DACH2: variants seen among roughly 807,000 people sequenced by gnomAD.
DACH2 encodes dachshund homolog 2.
Under a neutral mutation model 35.8 loss-of-function variants are expected in DACH2, and 17 were observed. The ratio of observed to expected loss-of-function variants is 0.48; its 90% CI spans 0.33 to 0.71. DACH2 has a LOEUF of 0.71. Ranked by LOEUF, DACH2 falls within the 30% of genes least tolerant of loss-of-function variation. DACH2 has a pLI of 0.02. For missense variants in DACH2, 469 were observed against 472.7 expected, an observed-to-expected ratio of 0.99 and a Z score of 0.07; for synonymous variants, 195 against 177.3, an observed-to-expected ratio of 1.10 and a Z score of -0.79.
chrX:86,386,812 A>T (rs1456897390), intron 2 of DACH2, among the ~76,000 whole-genome samples: 1 of 110,833 alleles, frequency 9.0e-6, no homozygotes, highest in African/African-American at 3.3e-5. Context: ...TGGAGTCAGA[A>T]ACCATTTCTT....
rs749397166 is a variant in DACH2, at chrX:86,256,961, C to A, written c.488+107853C>A. Reference sequence around the variant, plus strand: ...ATATTCACATAATCCAAAGGTATTGCATTACCTTTCTTCATTTCCTCTATG... The same window carrying A: ...ATATTCACATAATCCAAAGGTATTGAATTACCTTTCTTCATTTCCTCTATG... On this transcript the variant is annotated intron_variant, in intron 1 of 11. Transcript: ENST00000373125. Among the ~76,000 whole-genome samples, 53 of 111,804 alleles carry A rather than the reference C, an allele frequency of 4.7e-4. 1 individual carries two copies. Among genetic ancestry groups the A allele is most frequent in the African/African-American group, 1.6e-3 (49 of 30,819 alleles).
intron 4 of DACH2, among the ~76,000 whole-genome samples, chrX:86,693,544 A>G (rs1287191462): frequency 8.9e-6 from 1 of 112,214 alleles, no homozygotes; most frequent in Non-Finnish European, 1.9e-5. Flanking sequence ...ATGAGCGGAC[A>G]GGAAGCTTAA....
chrX:86,517,518 G>A (rs1400163735), intron 3 of DACH2, among the ~76,000 whole-genome samples: 2 of 107,094 alleles, frequency 1.9e-5, no homozygotes, highest in Admixed American at 1.0e-4. Flanking sequence ...CTGGGCTCAC[G>A]CCATTCTCCT....
chrX:86,595,742 A>G (rs2039703618), intron 3 of DACH2, among the ~76,000 whole-genome samples: 1 of 108,476 alleles, frequency 9.2e-6, no homozygotes, highest in African/African-American at 3.3e-5. Context: ...AGTTATATAT[A>G]TAGTTTTACA....
intron 4 of DACH2, among the ~76,000 whole-genome samples, chrX:86,657,297 C>G (rs1192168683): frequency 1.8e-5 from 2 of 110,557 alleles, no homozygotes; most frequent in Non-Finnish European, 3.8e-5. Flanking sequence ...GTGATAGATA[C>G]CCCATTTACC....
chrX:86,285,483 AT>A (rs1234245417), intron 1 of DACH2, among the ~76,000 whole-genome samples: 1 of 111,772 alleles, frequency 8.9e-6, no homozygotes, highest in Non-Finnish European at 1.9e-5. Flanking sequence ...AGTTTCCAAA[AT>A]TCCTTTTGTT....
rs776567805 is a variant in DACH2, at chrX:86,226,049, A to G, written c.488+76941A>G. Among the ~76,000 whole-genome samples the G allele has an allele frequency of 7.8e-4, 87 of 111,601 alleles. No homozygotes were observed. In the Middle Eastern group the frequency reaches 0.023, roughly 30 times the overall value. On this transcript the variant is annotated intron_variant, in intron 1 of 11. Transcript: ENST00000373125. ...TTCTTACCCCTCTCTGAGAAACATC[A>G]TGTTAGAAGTGAAATAACTAATGTT...
intron 1 of DACH2, among the ~76,000 whole-genome samples, chrX:86,206,281 G>A (rs75025056): frequency 0.19 from 19,079 of 102,493 alleles, 4,266 homozygotes; most frequent in African/African-American, 0.62. Context: ...TCCAAAAGGG[G>A]AAAAAAAAAA....
intron 2 of DACH2, among the ~76,000 whole-genome samples, chrX:86,495,900 G>A (rs2038163176): frequency 9.1e-6 from 1 of 110,488 alleles, no homozygotes; most frequent in South Asian, 3.8e-4. Flanking sequence ...CTAAAAAATG[G>A]AACAATAGTA....
chrX:86,619,089 T>G (rs931277956), intron 3 of DACH2, among the ~76,000 whole-genome samples: 1 of 112,228 alleles, frequency 8.9e-6, no homozygotes, highest in Non-Finnish European at 1.9e-5. Context: ...TTGGAATTTT[T>G]TAACAATGTT....
At chrX:86,666,321 G>GAT (rs2040669293) in intron 4 of DACH2, among the ~76,000 whole-genome samples, 1 of 110,523 alleles carries the variant, frequency 9.0e-6, no homozygotes, top group African/African-American at 3.3e-5. Context: ...GTGAGAGAGA[G>GAT]AGAGAGAGAG....
intron 1 of DACH2, among the ~76,000 whole-genome samples, chrX:86,309,157 A>G (rs2034748557): frequency 8.9e-6 from 1 of 112,203 alleles, no homozygotes; most frequent in African/African-American, 3.2e-5. Context: ...TGAAAGACAC[A>G]GAGGTGGTGA....
chrX:86,199,146 C>A lies in DACH2; in HGVS notation c.488+50038C>A, dbSNP rs1423117190. On this transcript the variant is annotated intron_variant, in intron 1 of 11. Transcript: ENST00000373125. ...CAATAAATGTGATTCATCATATAAA[C>A]AGAAGTAAAGAAAAAAACCACATGA... is the stretch of plus-strand genomic sequence containing the variant. Among the ~76,000 whole-genome samples, 3 of 110,593 alleles carry A rather than the reference C, an allele frequency of 2.7e-5. No individual in the cohort carries two copies. The Admixed American group carries it at 2.9e-4, about 11-fold the overall frequency.
chrX:86,283,866 G>GTA (rs1265734739), intron 1 of DACH2, among the ~76,000 whole-genome samples: 3 of 68,674 alleles, frequency 4.4e-5, no homozygotes, highest in East Asian at 4.9e-4. Flanking sequence ...AGAACTTAAA[G>GTA]TATATACACA....
At chrX:86,263,044 A>G (rs1486766106) in intron 1 of DACH2, 1 of 724,691 alleles carries the variant, frequency 1.4e-6, no homozygotes, top group Non-Finnish European at 1.6e-6. Flanking sequence ...TGCTAGCAAA[A>G]CCGCTAAAGA....
intron 7 of DACH2, chrX:86,799,149 C>T (rs899957926): frequency 6.4e-6 from 2 of 311,486 alleles, no homozygotes; most frequent in African/African-American, 2.8e-5. Flanking sequence ...CTCCAAGACC[C>T]TGGAACTCTT....
Position 86,714,583 on chromosome X carries a change from C to T in DACH2, c.967C>T (p.Leu323=). 4.1e-6 allele frequency: 5 copies of T among 1,207,490 alleles called. No homozygotes were observed. The highest frequency in any genetic ancestry group is 5.6e-6 in the Non-Finnish European group (5 of 892,526). The change falls in exon 6 of 12, where the codon CTA becomes TTA. Residue 323 remains leucine, a synonymous_variant. Coordinates refer to ENST00000373125, the MANE Select transcript of DACH2 (RefSeq NM_053281.3). ...DLPFMMMPHP[L]LPVSLPPASV... ...GCCATTTATGATGATGCCTCATCCCCTACTTCCAGTCAGCTTACCTCCTGC... is the reference window on the plus strand; with the variant it reads ...GCCATTTATGATGATGCCTCATCCCTTACTTCCAGTCAGCTTACCTCCTGC...
intron 1 of DACH2, among the ~76,000 whole-genome samples, chrX:86,360,621 G>A (rs1017379538): frequency 9.0e-6 from 1 of 110,842 alleles, no homozygotes; most frequent in Admixed American, 9.7e-5. Context: ...TTCTTCCAAA[G>A]TCCTGCAGCT....
intron 2 of DACH2, among the ~76,000 whole-genome samples, chrX:86,404,224 A>G (rs745554824): frequency 1.8e-5 from 2 of 111,169 alleles, no homozygotes; most frequent in South Asian, 7.6e-4. Context: ...ATGCCCTTCC[A>G]ACAGTCCCCC....
Sources: allele counts gnomAD v4.1 joint callset (sites outside exome capture counted in the v4.1 genomes callset), GRCh38; gene constraint gnomAD v4.1.1; transcripts MANE v1.5; gene names NCBI Gene and HGNC (gene_info 2026-07-23, HGNC 2026-07-21).